The following ULK4 variants were observed in gnomAD, a reference collection of about 807,000 sequenced individuals.
ULK4 encodes the protein unc-51 like kinase 4.
A neutral mutation model predicts 160.6 loss-of-function variants in ULK4; 133 were observed. That is an observed-to-expected ratio of 0.83 (90% CI 0.72 to 0.96). The LOEUF is 0.96. Ranked by LOEUF, ULK4 falls within the 40% of genes least tolerant of loss-of-function variation. The pLI, the probability that ULK4 is intolerant of heterozygous loss-of-function variation, is 0.00. For synonymous variants in ULK4, 534 were observed against 539.8 expected (o/e 0.99, Z 0.15); for missense variants, 1,580 against 1,499.5 (o/e 1.05, Z -0.89).
intron 19 of ULK4, among the ~76,000 whole-genome samples, chr3:41,814,911 T>TC (rs1260070861): frequency 1.3e-5 from 2 of 148,206 alleles, no homozygotes; most frequent in African/African-American, 4.9e-5. Flanking sequence ...TTCTGTCCTT[T>TC]TTTTTTTTTT....
intron 35 of ULK4, among the ~76,000 whole-genome samples, chr3:41,337,956 T>C (rs1370474583): frequency 6.6e-6 from 1 of 152,184 alleles, no homozygotes; most frequent in Non-Finnish European, 1.5e-5. Flanking sequence ...GAGGGAAAGA[T>C]GATGAGAGCT....
intron 7 of ULK4, among the ~76,000 whole-genome samples, chr3:41,917,777 T>A (rs1699019499): frequency 6.6e-6 from 1 of 151,976 alleles, no homozygotes; most frequent in Non-Finnish European, 1.5e-5. Context: ...ATCAGGAGTT[T>A]GAGACCAGCC....
At chr3:41,862,293 T>C (rs2042516872) in intron 17 of ULK4, among the ~76,000 whole-genome samples, 1 of 152,242 alleles carries the variant, frequency 6.6e-6, no homozygotes, top group Non-Finnish European at 1.5e-5. Flanking sequence ...TCTAAATTCC[T>C]TCTCTGTGTT....
intron 2 of ULK4, among the ~76,000 whole-genome samples, chr3:41,940,203 T>C (rs1445563689): frequency 6.6e-6 from 1 of 152,066 alleles, no homozygotes; most frequent in Admixed American, 6.6e-5. Context: ...AGGCCCCTCA[T>C]TCATCATGAC....
chr3:41,893,847 T>C (rs1192093761), intron 16 of ULK4, among the ~76,000 whole-genome samples: 1 of 152,202 alleles, frequency 6.6e-6, no homozygotes, highest in Non-Finnish European at 1.5e-5. Context: ...TAAATATATC[T>C]ACGTCAATAA....
chr3:41,752,950 T>C (rs772373709), intron 22 of ULK4, among the ~76,000 whole-genome samples: 16 of 152,196 alleles, frequency 1.1e-4, no homozygotes, highest in Non-Finnish European at 2.2e-4. Context: ...TGGTGGCTCA[T>C]GCCTGTAATC....
intron 22 of ULK4, among the ~76,000 whole-genome samples, chr3:41,754,131 G>A (rs1173480968): frequency 6.6e-6 from 1 of 152,094 alleles, no homozygotes; most frequent in Non-Finnish European, 1.5e-5. Flanking sequence ...GGGACAGAGA[G>A]ACAAACCATA....
At position 41,614,416 on chromosome 3, in the gene ULK4, T is replaced by C. The variant is rs1405600109; in HGVS notation, c.3120+1253A>G. ...AAAACAAATTCAACTCCATAACAAA[T>C]TGGCAAATAATGTGTATCTGACTGA... On this transcript the variant is annotated intron_variant, in intron 31 of 36. Coordinates refer to ENST00000301831, the MANE Select transcript of ULK4 (RefSeq NM_017886.4). Among the ~76,000 whole-genome samples, 5 of 152,228 alleles carry C rather than the reference T, an allele frequency of 3.3e-5. No homozygotes were observed. In the East Asian group the frequency reaches 7.7e-4, roughly 23 times the overall value.
chr3:41,790,968 A>G (rs2040133790), intron 20 of ULK4, among the ~76,000 whole-genome samples: 1 of 152,202 alleles, frequency 6.6e-6, no homozygotes, highest in Admixed American at 6.5e-5. Context: ...CCTGATTTAT[A>G]TTTTAAACAG....
chr3:41,432,184 G>A (rs932055909), intron 34 of ULK4, among the ~76,000 whole-genome samples: 9 of 152,128 alleles, frequency 5.9e-5, no homozygotes, highest in African/African-American at 2.2e-4. Flanking sequence ...ATTGGAAGAG[G>A]CTGAGATACT....
intron 35 of ULK4, among the ~76,000 whole-genome samples, chr3:41,388,075 G>GTGAGA (rs1386333434): frequency 3.3e-5 from 5 of 152,194 alleles, no homozygotes; most frequent in Non-Finnish European, 7.3e-5. Flanking sequence ...TCTAACTGGT[G>GTGAGA]TGAGATGGTA....
At chr3:41,296,995 CAT>C (rs991553602) in intron 35 of ULK4, among the ~76,000 whole-genome samples, 2 of 152,164 alleles carry the variant, frequency 1.3e-5, no homozygotes, top group South Asian at 2.1e-4. Context: ...TCTCATCCCA[CAT>C]GTTTTCCTGT....
chr3:41,418,473 G>A (rs546390077), intron 34 of ULK4, among the ~76,000 whole-genome samples: 48 of 152,040 alleles, frequency 3.2e-4, no homozygotes, highest in Non-Finnish European at 5.3e-4. Flanking sequence ...GTTCAAACCC[G>A]TGTTGTTCAA....
intron 30 of ULK4, among the ~76,000 whole-genome samples, chr3:41,643,001 G>A (rs2034297235): frequency 2.0e-5 from 3 of 152,166 alleles, no homozygotes; most frequent in Admixed American, 1.3e-4. Flanking sequence ...TTTGAGAAGT[G>A]TCTGTTCATA....
At chr3:41,851,458 A>G (rs1364230273) in intron 17 of ULK4, among the ~76,000 whole-genome samples, 4 of 152,058 alleles carry the variant, frequency 2.6e-5, no homozygotes, top group African/African-American at 4.8e-5. Context: ...GCTTTTGGAT[A>G]TGCTGCTGGA....
intron 32 of ULK4, among the ~76,000 whole-genome samples, chr3:41,560,216 G>A (rs2087510332): frequency 6.6e-6 from 1 of 152,080 alleles, no homozygotes; most frequent in African/African-American, 2.4e-5. Flanking sequence ...TGTTCCATTG[G>A]TCTATATATC....
At chr3:41,302,954 T>A (rs189829004) in intron 35 of ULK4, among the ~76,000 whole-genome samples, 30 of 152,224 alleles carry the variant, frequency 2.0e-4, no homozygotes, top group African/African-American at 5.8e-4. Context: ...ATAAGTGAAA[T>A]CATTCTAAAA....
intron 16 of ULK4, among the ~76,000 whole-genome samples, chr3:41,891,791 G>C (rs1262934535): frequency 2.6e-5 from 4 of 152,150 alleles, no homozygotes; most frequent in Admixed American, 2.0e-4. Flanking sequence ...TATAATCCCA[G>C]CTACTCGGGA....
At chr3:41,426,507 T>C (rs979192281) in intron 34 of ULK4, among the ~76,000 whole-genome samples, 2 of 152,142 alleles carry the variant, frequency 1.3e-5, no homozygotes, top group African/African-American at 4.8e-5. Context: ...CTAAAGTTGA[T>C]CACATAATCT....
Sources: gnomAD v4.1 joint callset for allele counts (sites outside exome capture counted in the v4.1 genomes callset) on GRCh38, gnomAD v4.1.1 for gene constraint, MANE v1.5 for transcripts, NCBI Gene and HGNC (gene_info 2026-07-23, HGNC 2026-07-21) for gene names.